PLAAT5: variants seen among roughly 807,000 people sequenced by gnomAD.
PLAAT5 encodes the protein phospholipase A and acyltransferase 5, also known as Ca(2+)-independent N-acyltransferase.
Under a neutral mutation model 27.8 loss-of-function variants are expected in PLAAT5, and 27 were observed. The observed-to-expected ratio is 0.97, with a 90% confidence interval of 0.72 to 1.34. The LOEUF (loss-of-function observed/expected upper bound fraction) is 1.34, where lower values mean the gene tolerates loss of function less well. Among genes scored for constraint, PLAAT5 ranks in the 40% most tolerant of loss-of-function variants. The pLI is 0.00. For synonymous variants in PLAAT5, 125 were observed against 136.1 expected (o/e 0.92, Z 0.57); for missense variants, 368 against 343.8 (o/e 1.07, Z -0.56).
intron 3 of PLAAT5, among the ~76,000 whole-genome samples, chr11:63,479,117 A>T (rs1169266371): frequency 6.6e-6 from 1 of 152,144 alleles, no homozygotes; most frequent in Non-Finnish European, 1.5e-5. Flanking sequence ...CCCCACCATA[A>T]ATCCCGGAAG....
At chr11:63,474,817 A>G (rs2016114890) in intron 3 of PLAAT5, among the ~76,000 whole-genome samples, 1 of 151,900 alleles carries the variant, frequency 6.6e-6, no homozygotes, top group South Asian at 2.1e-4. Context: ...ATTTTCCTCT[A>G]AGCACTTCAG....
rs759141296 is a variant in PLAAT5 at position 63,488,858 on chromosome 11, T to C, written c.345+13A>G. On this transcript the variant is annotated intron_variant, in intron 3 of 5. Transcript: ENST00000540857. ...TTAAAGATAGTCACTTTGAGAATTC[T>C]TGTTACACCTACCTCAGCTGCTTGC... The C allele has an allele frequency of 6.3e-7, 1 of 1,578,524 alleles. No homozygotes were observed. The highest frequency in any genetic ancestry group is 1.7e-5 in the Admixed American group (1 of 59,862).
chr11:63,467,493 C>T (rs377123099), intron 4 of PLAAT5, among the ~76,000 whole-genome samples: 9 of 152,128 alleles, frequency 5.9e-5, no homozygotes, highest in African/African-American at 2.2e-4. Context: ...AGGAAGAGGA[C>T]AGGACACAGG....
intron 3 of PLAAT5, among the ~76,000 whole-genome samples, chr11:63,472,242 C>A (rs1317947263): frequency 6.6e-6 from 1 of 152,092 alleles, no homozygotes; most frequent in Non-Finnish European, 1.5e-5. Context: ...CCCAAACAGC[C>A]ATCAATAAGG....
chr11:63,483,827 A>ATATGTATATATATATATATATATATATG (rs1555028278), intron 3 of PLAAT5, among the ~76,000 whole-genome samples: 15 of 109,792 alleles, frequency 1.4e-4, no homozygotes, highest in Non-Finnish European at 2.5e-4. Context: ...ATATATATAT[A>ATATGTATATATATATATATATATATATG]TATATATATA....
At position 63,466,154 on chromosome 11, in the gene PLAAT5, G is replaced by A; in HGVS notation, c.673C>T (p.His225Tyr). 6.2e-7 allele frequency: 1 copy of A among 1,614,136 alleles called. No individual in the cohort carries two copies. ...CCATATCTGAGGCCATTGACAAAGTGCTCACAGTTCCCTTCAATCAGGCTG... is the reference window on the plus strand; with the variant it reads ...CCATATCTGAGGCCATTGACAAAGTACTCACAGTTCCCTTCAATCAGGCTG... ...QYSLIEGNCEHFVNGLRYGVP... is the reference protein window; with the variant it reads ...QYSLIEGNCEYFVNGLRYGVP... Residue 225 changes from histidine to tyrosine, a missense_variant, in exon 5 of 6, where the codon CAC becomes TAC. Transcript: ENST00000540857.
intron 1 of PLAAT5, 52 bp downstream of exon 1, chr11:63,490,835 G>A: frequency 6.6e-7 from 1 of 1,523,764 alleles, no homozygotes; most frequent in Non-Finnish European, 8.9e-7. Context: ...CCGCCCGCTG[G>A]GACCTGAAGG....
At chr11:63,474,880 T>C (rs1590615701) in intron 3 of PLAAT5, among the ~76,000 whole-genome samples, 1 of 152,122 alleles carries the variant, frequency 6.6e-6, no homozygotes, top group Non-Finnish European at 1.5e-5. Context: ...CAACTCAAAA[T>C]ATTTTCTAAC....
In PLAAT5 at chr11:63,490,945, G is replaced by C. The variant is rs757344128; in HGVS notation, c.90C>G (p.Ala30=). 2.5e-6 allele frequency: 4 copies of C among 1,598,580 alleles called. No individual in the cohort carries two copies. Among genetic ancestry groups the C allele is most frequent in the East Asian group, 4.6e-5 (2 of 43,504 alleles). ...GCGGCTGGTCCTTGGGCCCGGTACT[G>C]GCGGTTCGCGAGGCGGGTTTGGGGA... is the stretch of plus-strand genomic sequence containing the variant. ...PPLPKPASRT[A]STGPKDQPPA... Residue 30 remains alanine (A), a synonymous_variant, in exon 1 of 6, where the codon GCC becomes GCG. Transcript: ENST00000540857.
chr11:63,485,280 TC>T (rs1417983325), intron 3 of PLAAT5, among the ~76,000 whole-genome samples: 3 of 151,922 alleles, frequency 2.0e-5, no homozygotes, highest in African/African-American at 7.3e-5. Flanking sequence ...AATGAAACAA[TC>T]CTAAAATTAG....
chr11:63,483,815 A>ACACATATATATATATG (rs2016358732), intron 3 of PLAAT5, among the ~76,000 whole-genome samples: 1 of 101,652 alleles, frequency 9.8e-6, no homozygotes, highest in African/African-American at 3.9e-5. Flanking sequence ...ATATATATAT[A>ACACATATATATATATG]TATATATATA....
At chr11:63,466,760 A>C (rs561916500) in intron 4 of PLAAT5, among the ~76,000 whole-genome samples, 11 of 152,244 alleles carry the variant, frequency 7.2e-5, no homozygotes, top group African/African-American at 2.4e-4. Context: ...CATGGGTAAA[A>C]GGCTATCACA....
intron 5 of PLAAT5, 67 bp from the exon 6 acceptor site, chr11:63,463,662 ACC>A: frequency 8.5e-7 from 1 of 1,170,388 alleles, no homozygotes. Context: ...CCCTACCTCC[ACC>A]CCACCATACC....
intron 3 of PLAAT5, among the ~76,000 whole-genome samples, chr11:63,469,164 G>A (rs1392589474): frequency 1.3e-5 from 2 of 150,998 alleles, no homozygotes; most frequent in Non-Finnish European, 2.9e-5. Context: ...GAGAGAGACA[G>A]GTAGAGAGAG....
At chr11:63,487,860 T>G (rs983931392) in intron 3 of PLAAT5, among the ~76,000 whole-genome samples, 1 of 152,230 alleles carries the variant, frequency 6.6e-6, no homozygotes, top group African/African-American at 2.4e-5. Context: ...AAAATAGTTA[T>G]ATGGGCTGGC....
In PLAAT5 at chr11:63,463,529, T is replaced by A; in HGVS notation, c.784A>T (p.Ile262Leu). ...CAGGCAGTTATTGGTTTGGGCTTTA[T>A]GCTATCCACTACAGCTGAAATAACT... ...GAVISAVVDS[I>L]KPKPITA The change falls in exon 6 of 6, where the codon ATA (isoleucine) becomes TTA (leucine). Residue 262 changes from isoleucine to leucine, a missense_variant. Coordinates refer to ENST00000540857, the MANE Select transcript of PLAAT5 (RefSeq NM_001146729.2). 6.2e-7 allele frequency: 1 copy of A among 1,613,888 alleles called. No homozygotes were observed. Among genetic ancestry groups the A allele is most frequent in the Non-Finnish European group, 8.5e-7 (1 of 1,179,958 alleles).
At chr11:63,473,380 T>C (rs1355906931) in intron 3 of PLAAT5, among the ~76,000 whole-genome samples, 1 of 152,250 alleles carries the variant, frequency 6.6e-6, no homozygotes, top group Non-Finnish European at 1.5e-5. Flanking sequence ...TACAGAATAA[T>C]GTAAACATAA....
intron 3 of PLAAT5, chr11:63,469,260 G>A: frequency 5.1e-6 from 1 of 195,278 alleles, no homozygotes; most frequent in South Asian, 1.0e-4. Context: ...GCTCCAGGTT[G>A]CACCTTCACT....
chr11:63,470,980 A>G (rs2016009472), intron 3 of PLAAT5: 1 of 152,206 alleles, frequency 6.6e-6, no homozygotes, highest in South Asian at 2.1e-4. Context: ...CATATTTTAT[A>G]CTAGAGGAAA....
Sources: allele counts gnomAD v4.1 joint callset (sites outside exome capture counted in the v4.1 genomes callset), GRCh38; gene constraint gnomAD v4.1.1; transcripts MANE v1.5; gene names NCBI Gene and HGNC (gene_info 2026-07-23, HGNC 2026-07-21).